The following SACS variants were observed in gnomAD, a reference collection of about 807,000 sequenced individuals.
SACS encodes sacsin molecular chaperone, also known as sacsin.
In SACS, 197 loss-of-function variants were observed where a neutral mutation model predicts 348.0. The ratio of observed to expected loss-of-function variants is 0.57; its 90% CI spans 0.50 to 0.64. SACS has a LOEUF of 0.64. Ranked by LOEUF, SACS falls within the 30% of genes least tolerant of loss-of-function variation. The pLI is 0.00. For missense variants in SACS, 4,999 were observed against 5,360.8 expected, an observed-to-expected ratio of 0.93 and a Z score of 2.11; for synonymous variants, 1,985 against 1,910.6, an observed-to-expected ratio of 1.04 and a Z score of -1.02.
intron 9 of SACS, among the ~76,000 whole-genome samples, chr13:23,345,880 C>T (rs1302379433): frequency 6.6e-6 from 1 of 151,964 alleles, no homozygotes; most frequent in Non-Finnish European, 1.5e-5. Context: ...AATAGGACCA[C>T]TAGTTGAGTC....
At chr13:23,423,689 A>G (rs1210697658) in intron 1 of SACS, among the ~76,000 whole-genome samples, 1 of 152,190 alleles carries the variant, frequency 6.6e-6, no homozygotes, top group African/African-American at 2.4e-5. Flanking sequence ...CAAGTTCCAA[A>G]CACACATTTT....
intron 3 of SACS, among the ~76,000 whole-genome samples, chr13:23,374,660 C>T (rs1320305151): frequency 1.3e-5 from 2 of 152,122 alleles, no homozygotes; most frequent in African/African-American, 4.8e-5. Context: ...GTTTACTCCC[C>T]AAGATAACAG....
chr13:23,360,895 C>T (rs1870691165), intron 6 of SACS, among the ~76,000 whole-genome samples: 1 of 151,976 alleles, frequency 6.6e-6, no homozygotes, highest in African/African-American at 2.4e-5. Flanking sequence ...GCTGGGACCA[C>T]AATCGCACAC....
intron 6 of SACS, among the ~76,000 whole-genome samples, chr13:23,363,655 C>G (rs1870883726): frequency 6.6e-6 from 1 of 152,238 alleles, no homozygotes; most frequent in South Asian, 2.1e-4. Flanking sequence ...GCAAAAACAT[C>G]ATAGGCTCTC....
chr13:23,333,966 G>A lies in SACS; in HGVS notation c.9910C>T (p.Leu3304Phe), dbSNP rs1361252165. 3.7e-6 allele frequency: 6 copies of A among 1,613,780 alleles called. No individual in the cohort carries two copies. Among genetic ancestry groups the A allele is most frequent in the African/African-American group, 2.7e-5 (2 of 74,904 alleles). The change falls in exon 10 of 10, where the codon CTC becomes TTC. Residue 3304 changes from leucine (L) to phenylalanine (F), a missense_variant. Coordinates refer to ENST00000382292, the MANE Select transcript of SACS (RefSeq NM_014363.6). ...VVPEGDVLLP[L>F]SLMHIAVFPN... is the part of the protein sequence containing the mutation. ...AAAACTGCAATGTGCATAAGGCTGAGAGGAAGCAGAACATCTCCTTCAGGA... is the reference window on the plus strand; with the variant it reads ...AAAACTGCAATGTGCATAAGGCTGAAAGGAAGCAGAACATCTCCTTCAGGA...
intron 1 of SACS, among the ~76,000 whole-genome samples, chr13:23,412,175 CGTGAACCCGGGAG>C (rs1294427224): frequency 1.2e-4 from 18 of 152,010 alleles, no homozygotes; most frequent in Non-Finnish European, 2.5e-4. Flanking sequence ...AGGAGAATGG[CGTGAACCCGGGAG>C]GTGGAGCTTG....
At chr13:23,343,578 A>C (rs1055745336) in intron 9 of SACS, among the ~76,000 whole-genome samples, 1 of 152,260 alleles carries the variant, frequency 6.6e-6, no homozygotes, top group East Asian at 1.9e-4. Context: ...CCAGCTACTC[A>C]AGAGGCTGAG....
At chr13:23,373,821 A>T (rs1031084808) in intron 3 of SACS, 9 of 151,798 alleles carry the variant, frequency 5.9e-5, no homozygotes, top group African/African-American at 2.2e-4. Context: ...AAAAAGGAAA[A>T]AAAGCAGTCG....
rs191426065 is a variant in SACS, at chr13:23,392,095, G to A, written c.21-16826C>T. On this transcript the variant is annotated intron_variant, in intron 2 of 9. Transcript: ENST00000382292. Reference sequence around the variant, plus strand: ...GGAGCTGAGGGAAACCAAGTCTACCGGGTCCCCCCAACTTGACGAGGACCT... The same window carrying A: ...GGAGCTGAGGGAAACCAAGTCTACCAGGTCCCCCCAACTTGACGAGGACCT... Among the ~76,000 whole-genome samples the A allele has an allele frequency of 3.7e-4, 57 of 152,246 alleles. No homozygotes were observed. In the Middle Eastern group the frequency reaches 0.01, roughly 27 times the overall value.
chr13:23,399,019 C>CAAAA lies in SACS; in HGVS notation c.20+12197_20+12200dup, dbSNP rs752943692. On this transcript the variant is annotated intron_variant, in intron 2 of 9. Transcript: ENST00000382292. ...CTGGTAACAGAGTGAGACTCCATCTCAAAAAAAAAAAAAAAAAACATGGAT... is the reference window on the plus strand; with the variant it reads ...CTGGTAACAGAGTGAGACTCCATCTCAAAAAAAAAAAAAAAAAAAAAACATGGAT... 6.0e-4 allele frequency among the ~76,000 whole-genome samples: 40 copies of CAAAA among 67,140 alleles called. 3 individuals carry two copies. The highest frequency in any genetic ancestry group is 1.8e-3 in the African/African-American group (33 of 18,220). The allele number at this position is 67,140 out of a possible 152,430, so 44.0% of individuals were successfully genotyped here.
rs150826544 is a variant in SACS, at chr13:23,376,288, G to T, written c.21-1019C>A. 5.9e-5 allele frequency among the ~76,000 whole-genome samples: 9 copies of T among 152,196 alleles called. No homozygotes were observed. The East Asian group carries it at 1.4e-3, about 23-fold the overall frequency. On this transcript the variant is annotated intron_variant, in intron 2 of 9. Transcript: ENST00000382292. ...ATGAAATCGCCCCACGATAAGTAAA[G>T]TTGCCATGTAATTTGAAAGTGTGTG...
Position 23,335,315 on chromosome 13 carries a change from G to A in SACS, c.8561C>T (p.Ala2854Val). 6.2e-7 allele frequency: 1 copy of A among 1,613,922 alleles called. No homozygotes were observed. The highest frequency in any genetic ancestry group is 8.5e-7 in the Non-Finnish European group (1 of 1,179,884). The change falls in exon 10 of 10, where the codon GCT becomes GTT. Residue 2854 changes from alanine (A) to valine (V), a missense_variant. This residue lies in a region of SACS where 3,156 missense variants were observed against 3,380.1 expected (regional missense o/e 0.93). Coordinates refer to ENST00000382292, the MANE Select transcript of SACS (RefSeq NM_014363.6). The surrounding 1 kb of genome is among the most constrained non-coding windows in gnomAD (Gnocchi z 4.7). Reference protein sequence around the residue: ...DITLFPRGGVAACITHNYKKP... With the variant: ...DITLFPRGGVVACITHNYKKP... The stretch of plus-strand genomic sequence containing the variant: ...TTTATAGTTGTGAGTAATGCAGGCA[G>A]CTACTCCACCACGTGGGAAAAGAGT...
chr13:23,358,951 G>A (rs551534605), intron 6 of SACS, among the ~76,000 whole-genome samples: 30 of 152,190 alleles, frequency 2.0e-4, no homozygotes, highest in African/African-American at 6.5e-4. Flanking sequence ...AGGCCAAAGC[G>A]TATAGATCAC....
intron 2 of SACS, among the ~76,000 whole-genome samples, chr13:23,397,989 C>T (rs1392540870): frequency 3.3e-5 from 5 of 151,660 alleles, no homozygotes; most frequent in African/African-American, 9.7e-5. Context: ...GTCGGGAGTT[C>T]GAGACCAGCC....
In SACS at chr13:23,334,977, G is replaced by C; in HGVS notation, c.8899C>G (p.Arg2967Gly). ...KKFLSFFPVNRLDLQPDLYCL... is the reference protein window; with the variant it reads ...KKFLSFFPVNGLDLQPDLYCL... ...TATAAATCTGGCTGTAGATCAAGACGGTTAACTGGGAAAAACGATAAAAAC... is the reference window on the plus strand; with the variant it reads ...TATAAATCTGGCTGTAGATCAAGACCGTTAACTGGGAAAAACGATAAAAAC... The change falls in exon 10 of 10, where the codon CGT (arginine) becomes GGT (glycine). Residue 2967 changes from arginine to glycine, a missense_variant. Around this residue, in one of 6 missense-constraint regions of SACS, gnomAD observed 734 missense variants for 694.0 expected, o/e 1.06. Transcript: ENST00000382292. 1 of 1,613,806 alleles carries C rather than the reference G, an allele frequency of 6.2e-7. No individual in the cohort carries two copies. The highest frequency in any genetic ancestry group is 2.2e-5 in the East Asian group (1 of 44,874).
chr13:23,359,271 C>G (rs1178574515), intron 6 of SACS, among the ~76,000 whole-genome samples: 1 of 152,080 alleles, frequency 6.6e-6, no homozygotes, highest in African/African-American at 2.4e-5. Context: ...TAATATATAA[C>G]CATTTTACTA....
In SACS at chr13:23,332,481, C is replaced by A. The variant is rs1350702437; in HGVS notation, c.11395G>T (p.Val3799Leu). ...TTCAGAAGTTTCCAACCATCTTCTA[C>A]CATCACAAAAGCAACCCCTCGCAAC... ...FQLRGVAFVM[V>L]EDGWKLLKPE... The change falls in exon 10 of 10, where the codon GTA becomes TTA. Residue 3799 changes from valine to leucine, a missense_variant. Physicochemically the swap from Val to Leu is conservative, Grantham distance 32 (BLOSUM62 1). Transcript: ENST00000382292. 1 of 1,614,000 alleles carries A rather than the reference C, an allele frequency of 6.2e-7. No homozygotes were observed. The highest frequency in any genetic ancestry group is 1.1e-5 in the South Asian group (1 of 91,074).
At chr13:23,344,474 G>A (rs1228274091) in intron 9 of SACS, among the ~76,000 whole-genome samples, 1 of 152,082 alleles carries the variant, frequency 6.6e-6, no homozygotes, top group African/African-American at 2.4e-5. Context: ...ATAAAGGAGA[G>A]AGAAAATGTA....
rs984363087 is a variant in SACS, at chr13:23,408,625, A to G, written c.20+2595T>C. Among the ~76,000 whole-genome samples the G allele has an allele frequency of 2.6e-4, 39 of 152,284 alleles. 1 individual carries two copies. Among genetic ancestry groups the G allele is most frequent in the African/African-American group, 8.2e-4 (34 of 41,564 alleles). ...CATGCCCCCACCACCCTCACACACAACTATGGACACCAGAGCTCCAGAAGC... is the reference window on the plus strand; with the variant it reads ...CATGCCCCCACCACCCTCACACACAGCTATGGACACCAGAGCTCCAGAAGC... On this transcript the variant is annotated intron_variant, in intron 2 of 9. Transcript: ENST00000382292.
Sources: allele counts gnomAD v4.1 joint callset (sites outside exome capture counted in the v4.1 genomes callset), GRCh38; gene constraint gnomAD v4.1.1; regional missense constraint gnomAD v4.1.1; non-coding constraint Gnocchi (gnomAD v3.1); transcripts MANE v1.5; gene names NCBI Gene and HGNC (gene_info 2026-07-23, HGNC 2026-07-21).